Variants in RAD51B observed in about 807,000 individuals in gnomAD.
RAD51B encodes the protein RAD51 paralog B.
In RAD51B, 38 loss-of-function variants were observed where a neutral mutation model predicts 42.2. That is an observed-to-expected ratio of 0.90 (90% CI 0.70 to 1.18). The LOEUF is 1.18. Among genes scored for constraint, RAD51B ranks in the 50% most tolerant of loss-of-function variants. RAD51B has a pLI of 0.00. For synonymous variants in RAD51B, 154 were observed against 145.2 expected (o/e 1.06, Z -0.43); for missense variants, 373 against 400.7 (o/e 0.93, Z 0.59).
chr14:68,477,837 T>C lies in RAD51B; in HGVS notation c.*173T>C. ...ACCATTGAGCTAGCGATTTCAGACC[T>C]AGCAGGGAAGGTGAAGATGAAGAAG... On this transcript the variant is annotated 3_prime_UTR_variant, in exon 11 of 11. Transcript: ENST00000471583. The C allele has an allele frequency of 1.4e-6, 2 of 1,441,764 alleles. No homozygotes were observed. The highest frequency in any genetic ancestry group is 1.8e-6 in the Non-Finnish European group (2 of 1,097,942). 89.3% of individuals were successfully genotyped at this position (1,441,764 alleles called of 1,614,324 possible). A position where few individuals can be genotyped will look rare whatever the true frequency, so the allele number is the denominator to read the frequency against.
chr14:68,679,610 C>T (rs992743865), intron 11 of RAD51B, among the ~76,000 whole-genome samples: 3 of 152,220 alleles, frequency 2.0e-5, no homozygotes, highest in Admixed American at 6.5e-5. Context: ...AGTATTAATC[C>T]TACCCTTGAA....
chr14:68,358,779 A>G (rs1268040839), intron 8 of RAD51B, among the ~76,000 whole-genome samples: 1 of 152,232 alleles, frequency 6.6e-6, no homozygotes, highest in African/African-American at 2.4e-5. Flanking sequence ...ATCGTGTGAT[A>G]TAAAAGCCTA....
chr14:68,328,757 C>T (rs965557904), intron 8 of RAD51B, among the ~76,000 whole-genome samples: 13 of 152,108 alleles, frequency 8.5e-5, no homozygotes, highest in Admixed American at 2.6e-4. Context: ...AGAATTTGGC[C>T]GAGCCTTCTG....
chr14:68,026,620 T>A (rs915553457), intron 7 of RAD51B, among the ~76,000 whole-genome samples: 1 of 152,152 alleles, frequency 6.6e-6, no homozygotes, highest in Non-Finnish European at 1.5e-5. Context: ...TGTTCTTCTT[T>A]GTTATTGTTT....
chr14:68,256,771 C>T (rs1031341835), intron 7 of RAD51B, among the ~76,000 whole-genome samples: 29 of 152,116 alleles, frequency 1.9e-4, no homozygotes, highest in Non-Finnish European at 5.9e-5. Context: ...CCCTAACCTT[C>T]TACAGTTCTG....
chr14:68,392,704 A>G (rs1456480514), intron 8 of RAD51B, among the ~76,000 whole-genome samples: 2 of 151,862 alleles, frequency 1.3e-5, no homozygotes, highest in Non-Finnish European at 2.9e-5. Context: ...GAAAGATCCT[A>G]TAATCTACAC....
chr14:68,646,081 C>A (rs1407496649), intron 10 of RAD51B, among the ~76,000 whole-genome samples: 1 of 151,096 alleles, frequency 6.6e-6, no homozygotes, highest in East Asian at 1.9e-4. Flanking sequence ...TTTTTATTTG[C>A]CAAATCTAGC....
At chr14:68,107,730 C>T (rs1186095605) in intron 7 of RAD51B, among the ~76,000 whole-genome samples, 5 of 151,762 alleles carry the variant, frequency 3.3e-5, no homozygotes, top group Non-Finnish European at 7.4e-5. Flanking sequence ...GTAGTCTCTT[C>T]AACACATAAT....
chr14:68,177,662 A>G (rs1421822992), intron 7 of RAD51B, among the ~76,000 whole-genome samples: 4 of 151,968 alleles, frequency 2.6e-5, no homozygotes, highest in Non-Finnish European at 5.9e-5. Context: ...GAAGCAATTA[A>G]GTTTTTTTTT....
intron 8 of RAD51B, among the ~76,000 whole-genome samples, chr14:68,354,854 G>A (rs2082866313): frequency 6.6e-6 from 1 of 152,122 alleles, no homozygotes; most frequent in Non-Finnish European, 1.5e-5. Flanking sequence ...GTGGACTCAG[G>A]ACAGAATTTT....
chr14:68,543,264 G>A (rs1888061535), intron 10 of RAD51B, among the ~76,000 whole-genome samples: 1 of 152,180 alleles, frequency 6.6e-6, no homozygotes, highest in South Asian at 2.1e-4. Context: ...GCCAACCCCT[G>A]CCTTAGAGAA....
At chr14:68,524,675 G>A (rs1478161202) in intron 10 of RAD51B, among the ~76,000 whole-genome samples, 2 of 152,214 alleles carry the variant, frequency 1.3e-5, no homozygotes, top group Admixed American at 1.3e-4. Context: ...AGGATTCCAG[G>A]CTGCCTGTGT....
At chr14:68,496,558 G>A (rs924351526) in intron 10 of RAD51B, among the ~76,000 whole-genome samples, 4 of 152,226 alleles carry the variant, frequency 2.6e-5, no homozygotes, top group Admixed American at 6.5e-5. Flanking sequence ...AGCACTTGCC[G>A]TATGGCTGTG....
In RAD51B at chr14:68,184,625, C is replaced by CAAAAA. The variant is rs3073458; in HGVS notation, c.757-107252_757-107248dup. Among the ~76,000 whole-genome samples the CAAAAA allele has an allele frequency of 1.3e-3, 177 of 132,198 alleles. 2 individuals are homozygous for CAAAAA. The highest frequency in any genetic ancestry group is 3.8e-3 in the Middle Eastern group (1 of 266). The allele number at this position is 132,198 out of a possible 152,430, so 86.7% of individuals were successfully genotyped here. On this transcript the variant is annotated intron_variant, in intron 7 of 10. Coordinates refer to ENST00000471583, the MANE Select transcript of RAD51B (RefSeq NM_133510.4). ...GCCCTGTCTAAAAAAAAAAAAAAAC[C>CAAAAA]AAAAAAAAAAACAGGAAGAAGAAGA...
At chr14:67,924,164 C>T (rs182354350) in intron 7 of RAD51B, among the ~76,000 whole-genome samples, 2 of 152,130 alleles carry the variant, frequency 1.3e-5, no homozygotes, top group Admixed American at 1.3e-4. Context: ...AATATTTTCT[C>T]CTATTTTATG....
At chr14:68,457,042 AGC>A (rs2085713239) in intron 9 of RAD51B, among the ~76,000 whole-genome samples, 1 of 151,536 alleles carries the variant, frequency 6.6e-6, no homozygotes, top group Non-Finnish European at 1.5e-5. Flanking sequence ...CCACCTGAGT[AGC>A]TGGGATTACA....
intron 7 of RAD51B, among the ~76,000 whole-genome samples, chr14:67,998,232 C>T (rs1015614268): frequency 6.6e-6 from 1 of 152,158 alleles, no homozygotes; most frequent in Non-Finnish European, 1.5e-5. Context: ...TTTAACGTTA[C>T]ATAAACATGG....
intron 7 of RAD51B, among the ~76,000 whole-genome samples, chr14:68,274,761 A>G (rs2081187770): frequency 6.6e-6 from 1 of 152,180 alleles, no homozygotes. Flanking sequence ...CAAATGCCCT[A>G]TATTCTAGAT....
intron 8 of RAD51B, among the ~76,000 whole-genome samples, chr14:68,304,127 G>T (rs540973304): frequency 2.0e-5 from 3 of 150,516 alleles, no homozygotes; most frequent in African/African-American, 7.3e-5. Flanking sequence ...CAGAGATGGC[G>T]CCACTGCACT....
Sources: gnomAD v4.1 joint callset for allele counts (sites outside exome capture counted in the v4.1 genomes callset) on GRCh38, gnomAD v4.1.1 for gene constraint, MANE v1.5 for transcripts, NCBI Gene and HGNC (gene_info 2026-07-23, HGNC 2026-07-21) for gene names.